The following TP63 variants were observed in gnomAD, a reference collection of about 807,000 sequenced individuals.
TP63 encodes tumor protein 63.
A neutral mutation model predicts 82.8 loss-of-function variants in TP63; 17 were observed. The observed-to-expected ratio is 0.21, with a 90% CI of 0.14 to 0.31. The LOEUF (loss-of-function observed/expected upper bound fraction) is 0.31, where lower values mean the gene tolerates loss of function less well. Ranked by LOEUF, TP63 falls within the 10% of genes least tolerant of loss-of-function variation. The probability of loss-of-function intolerance (pLI) is 1.00; values close to 1 mark genes in which losing one functional copy is unlikely to be tolerated. For synonymous variants in TP63, 330 were observed against 321.7 expected (o/e 1.03, Z -0.28); for missense variants, 648 against 895.3 (o/e 0.72, Z 3.52).
intron 4 of TP63, among the ~76,000 whole-genome samples, chr3:189,843,837 C>T: frequency 6.6e-6 from 1 of 152,200 alleles, no homozygotes; most frequent in South Asian, 2.1e-4. Flanking sequence ...AGAAGCCAAA[C>T]TCAATGCCTC....
rs78582121 is a variant in TP63, at chr3:189,793,267, G to A, written c.325-15005G>A. On this transcript the variant is annotated intron_variant, in intron 3 of 13. Transcript: ENST00000264731. ...CAATAAATCACTTATCCTTTACCTC[G>A]ATAAGGAAAACCGTGTTTGGTTTGG... Among the ~76,000 whole-genome samples the A allele has an allele frequency of 1.0e-3, 154 of 152,064 alleles. 1 individual carries two copies. Among genetic ancestry groups the A allele is most frequent in the African/African-American group, 3.6e-3 (148 of 41,506 alleles).
At chr3:189,771,332 A>AT (rs1491443034) in intron 3 of TP63, among the ~76,000 whole-genome samples, 24 of 137,924 alleles carry the variant, frequency 1.7e-4, no homozygotes, top group African/African-American at 6.5e-4. Flanking sequence ...ATTTATATAT[A>AT]ATATATATTT....
At chr3:189,806,787 T>A (rs974846190) in intron 3 of TP63, among the ~76,000 whole-genome samples, 1 of 152,088 alleles carries the variant, frequency 6.6e-6, no homozygotes, top group African/African-American at 2.4e-5. Context: ...TGCGAATGCA[T>A]GAATGTAATG....
Position 189,738,690 on chromosome 3 carries a change from A to G in TP63, c.240A>G (p.Pro80=). Residue 80 remains proline (P), a synonymous_variant, in exon 3 of 14, where the codon CCA becomes CCG. Coordinates refer to ENST00000264731, the MANE Select transcript of TP63 (RefSeq NM_003722.5). The part of the protein sequence containing the change: ...QPIDLNFVDE[P]SEDGATNKIE... ...TTGACTTGAACTTTGTGGATGAACC[A>G]TCAGAAGATGGTGCGACAAACAAGA... 1 of 1,614,154 alleles carries G rather than the reference A, an allele frequency of 6.2e-7. No individual in the cohort carries two copies. Among genetic ancestry groups the G allele is most frequent in the Non-Finnish European group, 8.5e-7 (1 of 1,180,004 alleles).
At chr3:189,762,601 T>G (rs1722660574) in intron 3 of TP63, among the ~76,000 whole-genome samples, 1 of 152,242 alleles carries the variant, frequency 6.6e-6, no homozygotes, top group South Asian at 2.1e-4. Context: ...AAAATAGTAA[T>G]TAAATATGAT....
intron 4 of TP63, among the ~76,000 whole-genome samples, chr3:189,808,905 GAAGT>G (rs1167760652): frequency 6.6e-6 from 1 of 152,264 alleles, no homozygotes; most frequent in South Asian, 2.1e-4. Flanking sequence ...TTCTTGTAAA[GAAGT>G]AAGTGTCACA....
rs1439479746 is a variant in TP63 at position 189,840,367 on chromosome 3, T to C, written c.580-23865T>C. 1.6e-3 allele frequency among the ~76,000 whole-genome samples: 230 copies of C among 145,612 alleles called. 2 individuals carry two copies. The highest frequency in any genetic ancestry group is 3.5e-3 in the African/African-American group (138 of 39,898). On this transcript the variant is annotated intron_variant, in intron 4 of 13. Transcript: ENST00000264731. ...TCTTTTTTGCTTTTCGTCTTTTTTT[T>C]TTTTTTTTTTTTTTTTTTTTACAAA...
chr3:189,787,835 G>C (rs1724736681), intron 3 of TP63, among the ~76,000 whole-genome samples: 1 of 151,226 alleles, frequency 6.6e-6, no homozygotes, highest in Non-Finnish European at 1.5e-5. Flanking sequence ...CTAGCAGGCT[G>C]TATAAAATCC....
upstream of TP63, among the ~76,000 whole-genome samples, chr3:189,628,449 C>T (rs1049183934): frequency 6.6e-6 from 1 of 152,046 alleles, no homozygotes; most frequent in Non-Finnish European, 1.5e-5. Flanking sequence ...GTTCTTGGCT[C>T]CTAGGAGTCA....
In TP63 at chr3:189,869,351, A is replaced by G; in HGVS notation, c.1157A>G (p.Gln386Arg). The change falls in exon 9 of 14, where the codon CAG becomes CGG. Residue 386 changes from glutamine (Q) to arginine (R), a missense_variant. Gln to Arg is a conservative substitution (Grantham distance 43). Coordinates refer to ENST00000264731, the MANE Select transcript of TP63 (RefSeq NM_003722.5). ...TTTCGTCAGAACACACATGGTATCC[A>G]GATGACATCCATCAAGAAACGAAGA... ...RPFRQNTHGIQMTSIKKRRSP... is the reference protein window; with the variant it reads ...RPFRQNTHGIRMTSIKKRRSP... The G allele has an allele frequency of 1.2e-6, 2 of 1,614,130 alleles. No individual in the cohort carries two copies. Among genetic ancestry groups the G allele is most frequent in the African/African-American group, 1.3e-5 (1 of 75,056 alleles).
chr3:189,840,687 G>A (rs369915330), intron 4 of TP63, among the ~76,000 whole-genome samples: 5 of 151,456 alleles, frequency 3.3e-5, no homozygotes, highest in East Asian at 1.9e-4. Context: ...GGTGAAACCC[G>A]TGTCTACTAA....
the TP63 span, among the ~76,000 whole-genome samples, chr3:189,620,085 A>T: frequency 1.3e-5 from 2 of 151,958 alleles, no homozygotes; most frequent in African/African-American, 4.8e-5. Context: ...TGTAAGAAAA[A>T]CTCTTGGCTG....
chr3:189,875,585 A>AATACATATATATAT (rs1718953668), intron 10 of TP63, among the ~76,000 whole-genome samples: 2 of 29,796 alleles, frequency 6.7e-5, no homozygotes, highest in African/African-American at 2.3e-4. Context: ...AAGAAAAAAA[A>AATACATATATATAT]ATACATACAT....
At chr3:189,746,360 C>T (rs752332464) in intron 3 of TP63, among the ~76,000 whole-genome samples, 14 of 151,242 alleles carry the variant, frequency 9.3e-5, no homozygotes, top group Non-Finnish European at 2.1e-4. Context: ...TCCCTATAAG[C>T]CAAAGGTGAG....
At chr3:189,708,236 A>G (rs1718343052) in intron 1 of TP63, among the ~76,000 whole-genome samples, 1 of 152,192 alleles carries the variant, frequency 6.6e-6, no homozygotes, top group African/African-American at 2.4e-5. Context: ...CGAACTTGGA[A>G]CCAGTTTCAG....
intron 4 of TP63, among the ~76,000 whole-genome samples, chr3:189,851,426 T>C (rs1715613882): frequency 6.6e-6 from 1 of 151,680 alleles, no homozygotes; most frequent in Non-Finnish European, 1.5e-5. Context: ...GAAAAAAAAA[T>C]TAACCGGGCG....
chr3:189,871,806 C>T (rs971576483), intron 9 of TP63, among the ~76,000 whole-genome samples: 39 of 152,282 alleles, frequency 2.6e-4, no homozygotes, highest in African/African-American at 9.4e-4. Context: ...ACTGCAGCCT[C>T]AGACTCCCAG....
chr3:189,801,376 A>C (rs1434627707), intron 3 of TP63, among the ~76,000 whole-genome samples: 1 of 152,188 alleles, frequency 6.6e-6, no homozygotes, highest in Non-Finnish European at 1.5e-5. Flanking sequence ...TTAAATATTA[A>C]AATTCTATCC....
rs147144441 is a variant in TP63, at chr3:189,776,977, A to G, written c.325-31295A>G. The stretch of plus-strand genomic sequence containing the variant: ...ATCCAAGGAATTGAAATATCAAGTC[A>G]TAGGAAATAAGAGGCCTATACCTTT... On this transcript the variant is annotated intron_variant, in intron 3 of 13. Transcript: ENST00000264731. 4.1e-3 allele frequency among the ~76,000 whole-genome samples: 622 copies of G among 152,336 alleles called. 8 individuals are homozygous for G. Among genetic ancestry groups the G allele is most frequent in the African/African-American group, 0.014 (592 of 41,574 alleles).
Sources: gnomAD v4.1 joint callset for allele counts (sites outside exome capture counted in the v4.1 genomes callset) on GRCh38, gnomAD v4.1.1 for gene constraint, MANE v1.5 for transcripts, NCBI Gene and HGNC (gene_info 2026-07-23, HGNC 2026-07-21) for gene names.